Variants in SEC16A observed in about 807,000 individuals in gnomAD.
SEC16A encodes SEC16 homolog A, endoplasmic reticulum export factor, also known as protein transport protein Sec16A.
In SEC16A, 110 loss-of-function variants were observed where a neutral mutation model predicts 221.9. The ratio of observed to expected loss-of-function variants is 0.50; its 90% CI spans 0.42 to 0.58. The LOEUF (loss-of-function observed/expected upper bound fraction) is 0.58, where lower values mean the gene tolerates loss of function less well. Ranked by LOEUF, SEC16A falls within the 20% of genes least tolerant of loss-of-function variation. The probability of loss-of-function intolerance (pLI) is 0.00; values close to 1 mark genes in which losing one functional copy is unlikely to be tolerated. For synonymous variants in SEC16A, 1,393 were observed against 1,257.7 expected (o/e 1.11, Z -2.28); for missense variants, 3,165 against 3,097.8 (o/e 1.02, Z -0.52).
chr9:136,467,215 G>A, intron 5 of SEC16A, 132 bp from the exon 6 acceptor site: 1 of 1,032,086 alleles, frequency 9.7e-7, no homozygotes, highest in East Asian at 2.6e-5. Flanking sequence ...CTTCTTCCTG[G>A]AAACCAGCAC....
rs566085508 is a variant in SEC16A at position 136,458,651 on chromosome 9, A to G, written c.5409+483T>C. ...TCAAAAAAAAAAAAAAAGCTCATAC[A>G]GGCTAGGTGCGGTGGCTCACGCCTG... On this transcript the variant is annotated intron_variant, in intron 17 of 31. Coordinates refer to ENST00000684901, the MANE Select transcript of SEC16A (RefSeq NM_014866.2). Among the ~76,000 whole-genome samples the G allele has an allele frequency of 9.4e-5, 13 of 137,728 alleles. No homozygotes were observed. The South Asian group carries it at 3.0e-3, about 32-fold the overall frequency. The allele number at this position is 137,728 out of a possible 152,430, so 90.4% of individuals were successfully genotyped here.
intron 13 of SEC16A, 73 bp downstream of exon 13, chr9:136,461,104 C>CA (rs1419659388): frequency 2.5e-6 from 3 of 1,193,470 alleles, no homozygotes; most frequent in Non-Finnish European, 3.7e-6. Flanking sequence ...CGCCTGCCCC[C>CA]AGGGTGCGGA....
intron 17 of SEC16A, among the ~76,000 whole-genome samples, 157 bp from the exon 18 acceptor site, chr9:136,457,741 C>G (rs1838887413): frequency 6.6e-6 from 1 of 152,236 alleles, no homozygotes; most frequent in Non-Finnish European, 1.5e-5. Flanking sequence ...GTCTCCCACC[C>G]ACCACGCCCG....
intron 23 of SEC16A, chr9:136,448,591 G>A (rs544118262): frequency 1.4e-6 from 1 of 710,756 alleles, no homozygotes; most frequent in Admixed American, 2.0e-5. Flanking sequence ...GAGACACCAG[G>A]ATGGAGGTGG....
At chr9:136,470,944 A>G (rs980821075) in intron 4 of SEC16A, among the ~76,000 whole-genome samples, 2 of 152,206 alleles carry the variant, frequency 1.3e-5, no homozygotes, top group Non-Finnish European at 2.9e-5. Flanking sequence ...GGCGCAGCCT[A>G]GCGCGGTGGC....
In SEC16A at chr9:136,455,738, G is replaced by T; in HGVS notation, c.5720C>A (p.Thr1907Asn). The T allele has an allele frequency of 2.5e-6, 4 of 1,599,052 alleles. No individual in the cohort carries two copies. Among genetic ancestry groups the T allele is most frequent in the Non-Finnish European group, 2.6e-6 (3 of 1,173,280 alleles). Reference protein sequence around the residue: ...DGALPQQCPGTPSSEMEQLDR... With the variant: ...DGALPQQCPGNPSSEMEQLDR... The stretch of plus-strand genomic sequence containing the variant: ...CAACTGCTCCATCTCGGAACTCGGA[G>T]TGCCAGGACACTGCTGCGGGAGGGC... The change falls in exon 20 of 32, where the codon ACT becomes AAT. Residue 1907 changes from threonine (T) to asparagine (N), a missense_variant. Around this residue, in one of 3 missense-constraint regions of SEC16A, gnomAD observed 1,088 missense variants for 1,089.6 expected, o/e 1.00. Transcript: ENST00000684901.
intron 31 of SEC16A, among the ~76,000 whole-genome samples, chr9:136,443,344 C>A (rs1468796743): frequency 6.6e-6 from 1 of 152,216 alleles, no homozygotes; most frequent in Non-Finnish European, 1.5e-5. Flanking sequence ...AGCCTGGCTC[C>A]TCACAGTGCC....
In SEC16A at chr9:136,447,953, A is replaced by G; in HGVS notation, c.6391-44T>C. 3.8e-6 allele frequency: 6 copies of G among 1,564,526 alleles called. No homozygotes were observed. Among genetic ancestry groups the G allele is most frequent in the South Asian group, 1.1e-5 (1 of 87,016 alleles). On this transcript the variant is annotated intron_variant, in intron 24 of 31. Transcript: ENST00000684901. This position sits in a 1 kb window ranked among gnomAD's most constrained non-coding sequence, Gnocchi z 5.5. The stretch of plus-strand genomic sequence containing the variant: ...GAAAAAAGGTCAGCAGACTGAACCT[A>G]AACAGAATTAGCATCTGATTAATGA...
intron 4 of SEC16A, among the ~76,000 whole-genome samples, 182 bp from the exon 5 acceptor site, chr9:136,468,694 G>A (rs546370582): frequency 7.9e-5 from 12 of 152,194 alleles, no homozygotes; most frequent in Non-Finnish European, 1.6e-4. Flanking sequence ...CCACCATACG[G>A]CTAATTCAAA....
Position 136,466,722 on chromosome 9 carries a change from G to A in SEC16A, c.3929+235C>T, listed in dbSNP as rs1327437904. ...AAAGAGTGAGCCCAATCTCCCAGGT[G>A]CTCCCAGAGGTGCTGAACAGTCCTC... On this transcript the variant is annotated intron_variant, in intron 6 of 31. Coordinates refer to ENST00000684901, the MANE Select transcript of SEC16A (RefSeq NM_014866.2). The surrounding 1 kb of genome is among the most constrained non-coding windows in gnomAD (Gnocchi z 5.5). Among the ~76,000 whole-genome samples, 1 of 152,212 alleles carries A rather than the reference G, an allele frequency of 6.6e-6. No individual in the cohort carries two copies. The highest frequency in any genetic ancestry group is 1.5e-5 in the Non-Finnish European group (1 of 68,036).
rs367966773 is a variant in SEC16A, at chr9:136,476,312, G to A, written c.1304C>T (p.Ala435Val). 1 of 1,612,952 alleles carries A rather than the reference G, an allele frequency of 6.2e-7. No homozygotes were observed. Among genetic ancestry groups the A allele is most frequent in the Non-Finnish European group, 8.5e-7 (1 of 1,179,868 alleles). ...TGTGTCACCCCACACATCACCAGCA[G>A]CCTCATTGCTGGGGCCTGGGAGAAG... ...QALLPGPSNE[A>V]AGDVWGDTAS... Residue 435 changes from alanine to valine, a missense_variant, in exon 3 of 32, where the codon GCT (alanine) becomes GTT (valine). This residue lies in a region of SEC16A where 2,030 missense variants were observed against 1,923.1 expected (regional missense o/e 1.06). Transcript: ENST00000684901.
rs1452208247 is a variant in SEC16A, at chr9:136,475,805, T to C, written c.1811A>G (p.Gln604Arg). Residue 604 changes from glutamine (Q) to arginine (R), a missense_variant, in exon 3 of 32, where the codon CAG (glutamine) becomes CGG (arginine). Physicochemically the swap from Gln to Arg is conservative, Grantham distance 43. Coordinates refer to ENST00000684901, the MANE Select transcript of SEC16A (RefSeq NM_014866.2). The surrounding 1 kb of genome is among the most constrained non-coding windows in gnomAD (Gnocchi z 5.0). ...TTCGAAAGAACTATTTGCACTTGTCTGAAATATTCCTGTAGGTTTCGGGGG... is the reference window on the plus strand; with the variant it reads ...TTCGAAAGAACTATTTGCACTTGTCCGAAATATTCCTGTAGGTTTCGGGGG... ...PSPPKPTGIF[Q>R]TSANSSFEPV... The C allele has an allele frequency of 1.9e-6, 3 of 1,585,444 alleles. No homozygotes were observed. Among genetic ancestry groups the C allele is most frequent in the African/African-American group, 2.7e-5 (2 of 74,346 alleles).
intron 23 of SEC16A, 125 bp downstream of exon 23, chr9:136,451,131 A>AC (rs577626480): frequency 3.2e-5 from 31 of 980,570 alleles, no homozygotes; most frequent in Non-Finnish European, 4.6e-5. Flanking sequence ...CACTGTAGAC[A>AC]CTCGGCTGTT....
In SEC16A at chr9:136,482,280, CTT is replaced by C. The variant is rs775314674; in HGVS notation, c.-192+656_-192+657del. ...GCCACATGGGGGATGGGAAATACCT[CTT>C]TGGTTAACATCGGCATCACACATGT... is the stretch of plus-strand genomic sequence containing the variant. On this transcript the variant is annotated intron_variant, in intron 1 of 31. Transcript: ENST00000684901. Among the ~76,000 whole-genome samples the C allele has an allele frequency of 5.9e-5, 9 of 152,210 alleles. No individual in the cohort carries two copies. In the East Asian group the frequency reaches 7.7e-4, roughly 13 times the overall value.
chr9:136,484,452 C>T (rs776969706), upstream of SEC16A: 1 of 1,204,642 alleles, frequency 8.3e-7, no homozygotes, highest in South Asian at 1.5e-5. Context: ...GCCAGCCATG[C>T]CGGGCCCACT....
chr9:136,472,136 G>T lies in SEC16A; in HGVS notation c.3568-25C>A, dbSNP rs190860690. ...CCTGTGGGAGGAAGCATTTGGGCAGGATTAGACACCAATCAAGAGCAAGCT... is the reference window on the plus strand; with the variant it reads ...CCTGTGGGAGGAAGCATTTGGGCAGTATTAGACACCAATCAAGAGCAAGCT... On this transcript the variant is annotated intron_variant, in intron 3 of 31. Coordinates refer to ENST00000684901, the MANE Select transcript of SEC16A (RefSeq NM_014866.2). The T allele has an allele frequency of 2.9e-4, 469 of 1,612,458 alleles. 1 individual carries two copies. The East Asian group carries it at 8.9e-3, about 31-fold the overall frequency.
At position 136,459,515 on chromosome 9, in the gene SEC16A, G is replaced by A. The variant is rs753530472; in HGVS notation, c.5232C>T (p.Leu1744=). Residue 1744 remains leucine (L), a synonymous_variant, in exon 16 of 32, where the codon CTC becomes CTT. Coordinates refer to ENST00000684901, the MANE Select transcript of SEC16A (RefSeq NM_014866.2). The surrounding 1 kb of genome is among the most constrained non-coding windows in gnomAD (Gnocchi z 6.1). ...GLLDAAHFCY[L]MAQAGFGVYT... ...AAACACCAAATCCCGCCTGGGCCATGAGGTAGCAGAAGTGGGCCGCATCCA... is the reference window on the plus strand; with the variant it reads ...AAACACCAAATCCCGCCTGGGCCATAAGGTAGCAGAAGTGGGCCGCATCCA... 1.4e-5 allele frequency: 23 copies of A among 1,606,322 alleles called. 1 individual carries two copies. The highest frequency in any genetic ancestry group is 3.4e-5 in the Admixed American group (2 of 58,926).
Position 136,472,001 on chromosome 9 carries a change from G to A in SEC16A, c.3678C>T (p.Ser1226=). 3 of 1,611,568 alleles carry A rather than the reference G, an allele frequency of 1.9e-6. No homozygotes were observed. Among genetic ancestry groups the A allele is most frequent in the Non-Finnish European group, 2.5e-6 (3 of 1,179,860 alleles). Residue 1226 remains serine, a synonymous_variant, in exon 4 of 32, where the codon AGC becomes AGT. Coordinates refer to ENST00000684901, the MANE Select transcript of SEC16A (RefSeq NM_014866.2). The part of the protein sequence containing the change: ...PEPERPSSRA[S]HSSERPPPRQ... ...TGGGAGGTGGCCGTTCCGAGGAGTG[G>A]CTGGCTCGGGAGCTGGGCCGCTCGG...
In SEC16A at chr9:136,440,911, CGAAAT is replaced by C. The variant is rs1255262745; in HGVS notation, c.*839_*843del. On this transcript the variant is annotated 3_prime_UTR_variant, in exon 32 of 32. Transcript: ENST00000684901. ...GTGAGTCTAACCGTGCTCCTACACA[CGAAAT>C]GAAGCCCAAATCAAACATCACACGG... 2 of 152,324 alleles carry C rather than the reference CGAAAT, an allele frequency of 1.3e-5. No homozygotes were observed. Among genetic ancestry groups the C allele is most frequent in the Admixed American group, 6.5e-5 (1 of 15,278 alleles). 9.4% of individuals were successfully genotyped at this position (152,324 alleles called of 1,614,324 possible).
Sources: gnomAD v4.1 joint callset for allele counts (sites outside exome capture counted in the v4.1 genomes callset) on GRCh38, gnomAD v4.1.1 for gene constraint, gnomAD v4.1.1 regional missense constraint, Gnocchi (gnomAD v3.1) non-coding constraint, MANE v1.5 for transcripts, NCBI Gene and HGNC (gene_info 2026-07-23, HGNC 2026-07-21) for gene names.